The following COL18A1 variants were observed in gnomAD, a reference collection of about 807,000 sequenced individuals.
COL18A1 encodes collagen alpha-1(XVIII) chain.
A neutral mutation model predicts 168.0 loss-of-function variants in COL18A1; 133 were observed. The ratio of observed to expected loss-of-function variants is 0.79; its 90% CI spans 0.69 to 0.91. The LOEUF (loss-of-function observed/expected upper bound fraction) is 0.91. Among genes scored for constraint, COL18A1 ranks in the 40% least tolerant of loss-of-function variants. COL18A1 has a pLI of 0.00. For missense variants in COL18A1, 2,126 were observed against 1,925.4 expected, an observed-to-expected ratio of 1.10 and a Z score of -1.95; for synonymous variants, 949 against 809.0, an observed-to-expected ratio of 1.17 and a Z score of -2.94.
At chr21:45,458,533 G>A (rs965864568) in intron 2 of COL18A1, among the ~76,000 whole-genome samples, 4 of 152,128 alleles carry the variant, frequency 2.6e-5, no homozygotes, top group African/African-American at 9.7e-5. Context: ...ACACCCAAAT[G>A]CCCAGCAAGC....
chr21:45,442,143 T>G (rs913126661), intron 2 of COL18A1, among the ~76,000 whole-genome samples: 8 of 152,206 alleles, frequency 5.3e-5, no homozygotes, highest in Non-Finnish European at 1.0e-4. Context: ...GGCGCTGCCC[T>G]GTTGCCCACC....
chr21:45,483,469 C>A (rs142062293), intron 15 of COL18A1, among the ~76,000 whole-genome samples: 4 of 152,060 alleles, frequency 2.6e-5, no homozygotes, highest in African/African-American at 4.8e-5. Flanking sequence ...TGACACCCCC[C>A]CAACGACCCA....
chr21:45,501,738 G>GC (rs562160346), intron 32 of COL18A1, among the ~76,000 whole-genome samples: 42 of 118,386 alleles, frequency 3.5e-4, no homozygotes, highest in Admixed American at 7.5e-4. Context: ...ACCCCCAGGG[G>GC]CTCCACAGCC....
intron 2 of COL18A1, among the ~76,000 whole-genome samples, chr21:45,441,222 G>A (rs546430052): frequency 2.6e-5 from 4 of 152,296 alleles, no homozygotes. Flanking sequence ...GCTCCTGCGT[G>A]GCCCTGGTCC....
chr21:45,500,481 G>GGTGTGTGT (rs1304075523), intron 32 of COL18A1, among the ~76,000 whole-genome samples: 1 of 60,492 alleles, frequency 1.7e-5, no homozygotes, highest in African/African-American at 7.9e-5. Context: ...GGTGTGGTTT[G>GGTGTGTGT]GTGTGTTGCG....
chr21:45,496,898 C>A, intron 30 of COL18A1, 152 bp from the exon 31 acceptor site: 2 of 705,130 alleles, frequency 2.8e-6, no homozygotes, highest in Non-Finnish European at 5.2e-6. Flanking sequence ...TCCTGCTCTC[C>A]GTACCCCTGT....
rs537538563 is a variant in COL18A1, at chr21:45,504,122, A to C, written c.2727+68A>C. 1,007 of 1,550,150 alleles carry C rather than the reference A, an allele frequency of 6.5e-4. 1 individual carries two copies. The highest frequency in any genetic ancestry group is 8.1e-4 in the Non-Finnish European group (913 of 1,123,604). ...TACATCCCGCTGGGTGGCTGCTCCCAATTTCTCGCCCCATCCGGCCCAAGC... is the reference window on the plus strand; with the variant it reads ...TACATCCCGCTGGGTGGCTGCTCCCCATTTCTCGCCCCATCCGGCCCAAGC... On this transcript the variant is annotated intron_variant, in intron 33 of 41. Coordinates refer to ENST00000651438, the MANE Select transcript of COL18A1 (RefSeq NM_001379500.1).
chr21:45,496,425 T>G, intron 29 of COL18A1, 75 bp from the exon 30 acceptor site: 1 of 798,170 alleles, frequency 1.3e-6, no homozygotes, highest in Non-Finnish European at 2.3e-6. Context: ...TTCTGATTTT[T>G]CTGAACTGTC....
At chr21:45,442,113 G>A (rs1255144889) in intron 2 of COL18A1, among the ~76,000 whole-genome samples, 2 of 152,200 alleles carry the variant, frequency 1.3e-5, no homozygotes, top group African/African-American at 2.4e-5. Context: ...CCTGCAGCTC[G>A]GCTGTGCCCT....
At chr21:45,466,680 G>A (rs556097703) in intron 2 of COL18A1, among the ~76,000 whole-genome samples, 9 of 152,204 alleles carry the variant, frequency 5.9e-5, no homozygotes, top group African/African-American at 1.2e-4. Flanking sequence ...GAGAGGAGAC[G>A]GGACAGCTTT....
chr21:45,486,404 C>G (rs11089008), intron 15 of COL18A1, among the ~76,000 whole-genome samples: 15 of 90,782 alleles, frequency 1.7e-4, no homozygotes, highest in Admixed American at 4.4e-4. Flanking sequence ...CTCGCCTGCC[C>G]GGGAGCCAGG....
chr21:45,482,444 C>T (rs907164465), intron 14 of COL18A1: 4 of 572,744 alleles, frequency 7.0e-6, no homozygotes, highest in African/African-American at 5.6e-5. Flanking sequence ...ATGAGAGCTG[C>T]ACTGCTTTGG....
chr21:45,503,333 A>C (rs2036966519), intron 32 of COL18A1, among the ~76,000 whole-genome samples: 1 of 151,856 alleles, frequency 6.6e-6, no homozygotes, highest in Non-Finnish European at 1.5e-5. Flanking sequence ...GATGATGAGC[A>C]TTTTTTCATG....
chr21:45,424,059 G>A (rs2033708864), intron 2 of COL18A1: 2 of 152,378 alleles, frequency 1.3e-5, no homozygotes, highest in Non-Finnish European at 2.9e-5. Context: ...GGGCCCTGGT[G>A]GAAACAGTCC....
At chr21:45,470,241 G>T (rs2035362163) in intron 3 of COL18A1, among the ~76,000 whole-genome samples, 1 of 152,118 alleles carries the variant, frequency 6.6e-6, no homozygotes, top group Non-Finnish European at 1.5e-5. Flanking sequence ...CTTTCATTTT[G>T]TCACTTGTTT....
At chr21:45,502,170 A>T (rs935201037) in intron 32 of COL18A1, among the ~76,000 whole-genome samples, 1 of 152,126 alleles carries the variant, frequency 6.6e-6, no homozygotes, top group Non-Finnish European at 1.5e-5. Flanking sequence ...AGCAGCAGTG[A>T]CCTCCAACCC....
chr21:45,488,818 C>T (rs1231156049), intron 18 of COL18A1, among the ~76,000 whole-genome samples: 5 of 152,096 alleles, frequency 3.3e-5, no homozygotes, highest in East Asian at 3.9e-4. Context: ...GGGACAGAGC[C>T]GTGGTGACCT....
intron 38 of COL18A1, among the ~76,000 whole-genome samples, chr21:45,508,407 GATGAGTGGATGA>G (rs994747344): frequency 1.4e-5 from 2 of 142,984 alleles, no homozygotes; most frequent in Non-Finnish European, 3.0e-5. Flanking sequence ...TGGATAGGTA[GATGAGTGGATGA>G]ATGGGTGGAT....
intron 14 of COL18A1, chr21:45,482,358 C>G: frequency 1.5e-6 from 1 of 681,008 alleles, no homozygotes; most frequent in Non-Finnish European, 2.7e-6. Flanking sequence ...GCCGGGGCCC[C>G]AGGCGTTTGT....
Sources: gnomAD v4.1 joint callset for allele counts (sites outside exome capture counted in the v4.1 genomes callset) on GRCh38, gnomAD v4.1.1 for gene constraint, MANE v1.5 for transcripts, NCBI Gene and HGNC (gene_info 2026-07-23, HGNC 2026-07-21) for gene names.